Variants in INTS9 observed in about 807,000 individuals in gnomAD.
The protein encoded by INTS9 is integrator complex subunit 9.
INTS9 carries 55 observed loss-of-function variants against 79.7 expected under a neutral mutation model. The ratio of observed to expected loss-of-function variants is 0.69; its 90% CI spans 0.56 to 0.86. INTS9 has a LOEUF of 0.86. INTS9 is among the 40% of genes least tolerant of loss of function. The pLI is 0.00. For missense variants in INTS9, 721 were observed against 831.5 expected, an observed-to-expected ratio of 0.87 and a Z score of 1.64; for synonymous variants, 319 against 325.2, an observed-to-expected ratio of 0.98 and a Z score of 0.20.
In INTS9 at chr8:28,770,017, G is replaced by A. The variant is rs376320579; in HGVS notation, c.1672C>T (p.Arg558Trp). The change falls in exon 16 of 17, where the codon CGG (arginine) becomes TGG (tryptophan). Residue 558 changes from arginine to tryptophan, a missense_variant. Physicochemically the swap from Arg to Trp is moderately radical, Grantham distance 101. Transcript: ENST00000521022. ...DNKHLLQPPP[R>W]PAQPTSGKKR... ...TTCCCGCTCGTGGGCTGGGCGGGCC[G>A]AGGAGGGGGCTAGAGCAGAAGGAAA... 5 of 1,613,842 alleles carry A rather than the reference G, an allele frequency of 3.1e-6. No homozygotes were observed. The highest frequency in any genetic ancestry group is 2.7e-5 in the African/African-American group (2 of 74,948).
intron 1 of INTS9, among the ~76,000 whole-genome samples, chr8:28,866,429 A>G (rs1808747285): frequency 6.6e-6 from 1 of 152,130 alleles, no homozygotes; most frequent in South Asian, 2.1e-4. Flanking sequence ...CTGTACTATA[A>G]GGGGAGCATA....
At chr8:28,787,945 T>C in intron 10 of INTS9, 56 bp from the exon 11 acceptor site, 20 of 1,218,432 alleles carry the variant, frequency 1.6e-5, no homozygotes, top group Non-Finnish European at 2.3e-5. Context: ...GTGGCATCTG[T>C]TGCCACCTAG....
intron 4 of INTS9, among the ~76,000 whole-genome samples, chr8:28,838,577 T>C (rs897236970): frequency 2.0e-5 from 3 of 152,188 alleles, no homozygotes; most frequent in African/African-American, 7.2e-5. Context: ...AGAAACCACA[T>C]CTTCCTCAGA....
intron 6 of INTS9, among the ~76,000 whole-genome samples, chr8:28,822,222 A>C (rs927347044): frequency 3.3e-5 from 5 of 152,218 alleles, no homozygotes; most frequent in African/African-American, 7.2e-5. Flanking sequence ...GAGAAGAGAA[A>C]AATATTTAAA....
intron 1 of INTS9, among the ~76,000 whole-genome samples, chr8:28,882,502 AAAG>A (rs1809928381): frequency 2.1e-5 from 3 of 146,078 alleles, no homozygotes; most frequent in African/African-American, 5.1e-5. Flanking sequence ...AATAAAAAAA[AAAG>A]AAATATATGC....
intron 14 of INTS9, among the ~76,000 whole-genome samples, chr8:28,771,972 C>T (rs1802568255): frequency 6.6e-6 from 1 of 152,110 alleles, no homozygotes; most frequent in South Asian, 2.1e-4. Context: ...GTGATGTTCC[C>T]TCCTCAGCCT....
At chr8:28,869,738 T>C (rs1189057599) in intron 1 of INTS9, among the ~76,000 whole-genome samples, 1 of 152,212 alleles carries the variant, frequency 6.6e-6, no homozygotes, top group Non-Finnish European at 1.5e-5. Context: ...TCATACTCAC[T>C]GTCAAACTGA....
At chr8:28,770,170 G>C in intron 15 of INTS9, 144 bp from the exon 16 acceptor site, 1 of 1,039,844 alleles carries the variant, frequency 9.6e-7, no homozygotes, top group East Asian at 2.6e-5. Flanking sequence ...CTCGGTTCAG[G>C]TTCCCTGGCT....
chr8:28,813,359 GA>G, intron 7 of INTS9, 132 bp downstream of exon 7: 2 of 874,310 alleles, frequency 2.3e-6, no homozygotes, highest in Non-Finnish European at 3.7e-6. Flanking sequence ...CGGAACGGAG[GA>G]AAGAACAGAG....
chr8:28,873,290 G>A (rs1018169693), intron 1 of INTS9, among the ~76,000 whole-genome samples: 1 of 152,142 alleles, frequency 6.6e-6, no homozygotes, highest in African/African-American at 2.4e-5. Flanking sequence ...CCCACATAAA[G>A]ATGGTCATTT....
At chr8:28,780,515 C>G (rs241197) in intron 12 of INTS9, 785,232 of 984,998 alleles carry the variant, frequency 0.8, 313,965 homozygotes, top group Non-Finnish European at 0.81. Flanking sequence ...GGTAAAACAA[C>G]ACCGTTACTG....
intron 6 of INTS9, among the ~76,000 whole-genome samples, chr8:28,834,041 G>A (rs1806659971): frequency 6.6e-6 from 1 of 152,158 alleles, no homozygotes; most frequent in Non-Finnish European, 1.5e-5. Context: ...GCAACAACCT[G>A]TGTTTTCTGA....
chr8:28,789,056 T>A (rs1205243552), intron 10 of INTS9, among the ~76,000 whole-genome samples: 2 of 152,204 alleles, frequency 1.3e-5, no homozygotes, highest in Admixed American at 6.5e-5. Flanking sequence ...TAAAAAAACA[T>A]CACTTTATAC....
chr8:28,818,674 G>A (rs1214093937), intron 6 of INTS9, among the ~76,000 whole-genome samples: 2 of 151,304 alleles, frequency 1.3e-5, no homozygotes, highest in East Asian at 3.9e-4. Flanking sequence ...CATAAAATGA[G>A]TTAGGGAGGA....
chr8:28,844,091 C>T (rs1563291784), intron 4 of INTS9, among the ~76,000 whole-genome samples: 1 of 152,104 alleles, frequency 6.6e-6, no homozygotes, highest in African/African-American at 2.4e-5. Context: ...ACTTGAGCTC[C>T]CCACAACAGC....
At chr8:28,848,601 C>G (rs1029733380) in intron 3 of INTS9, among the ~76,000 whole-genome samples, 3 of 152,104 alleles carry the variant, frequency 2.0e-5, no homozygotes, top group Admixed American at 6.5e-5. Flanking sequence ...GAGAAGACTC[C>G]CCACTCCCTT....
In INTS9 at chr8:28,851,099, A is replaced by T. The variant is rs532653369; in HGVS notation, c.138-826T>A. ...TGAAGAAGGCAATGTGTGAAGAAAA[A>T]GCCAACAGGATTCCAAGTTGGATGG... On this transcript the variant is annotated intron_variant, in intron 2 of 16. Coordinates refer to ENST00000521022, the MANE Select transcript of INTS9 (RefSeq NM_018250.4). Among the ~76,000 whole-genome samples the T allele has an allele frequency of 5.9e-5, 9 of 152,344 alleles. No individual in the cohort carries two copies. In the East Asian group the frequency reaches 1.5e-3, roughly 26 times the overall value.
chr8:28,885,342 C>T (rs1292999487), intron 1 of INTS9, among the ~76,000 whole-genome samples: 1 of 152,186 alleles, frequency 6.6e-6, no homozygotes, highest in African/African-American at 2.4e-5. Flanking sequence ...CCGGCCTCTG[C>T]AGAGCGCCAT....
intron 6 of INTS9, among the ~76,000 whole-genome samples, chr8:28,829,896 C>T (rs1806370558): frequency 6.6e-6 from 1 of 152,138 alleles, no homozygotes; most frequent in African/African-American, 2.4e-5. Context: ...ATCGCTGGAG[C>T]TACGAGTCAG....
Sources: gnomAD v4.1 joint callset for allele counts (sites outside exome capture counted in the v4.1 genomes callset) on GRCh38, gnomAD v4.1.1 for gene constraint, MANE v1.5 for transcripts, NCBI Gene and HGNC (gene_info 2026-07-23, HGNC 2026-07-21) for gene names.